The following AZIN2 variants were observed in gnomAD, a reference collection of about 807,000 sequenced individuals.
AZIN2 encodes the protein antizyme inhibitor 2, also known as ODC antizyme inhibitor-2.
AZIN2 carries 28 observed loss-of-function variants against 47.8 expected under a neutral mutation model. The ratio of observed to expected loss-of-function variants is 0.59; its 90% CI spans 0.43 to 0.80. The LOEUF (loss-of-function observed/expected upper bound fraction) is 0.80, where lower values mean the gene tolerates loss of function less well. Ranked by LOEUF, AZIN2 falls within the 30% of genes least tolerant of loss-of-function variation. AZIN2 has a pLI of 0.00. For missense variants in AZIN2, 535 were observed against 582.5 expected (o/e 0.92, Z 0.84); for synonymous variants, 221 against 239.4 (o/e 0.92, Z 0.71).
At chr1:33,098,839 C>T (rs1033433658) in intron 10 of AZIN2, among the ~76,000 whole-genome samples, 31 of 151,634 alleles carry the variant, frequency 2.0e-4, no homozygotes, top group African/African-American at 6.1e-4. Flanking sequence ...TCTCGGCTCA[C>T]TGCAACCTCC....
Position 33,121,325 on chromosome 1 carries a change from A to G in AZIN2, c.*1143A>G, listed in dbSNP as rs913437236. Among the ~76,000 whole-genome samples, 7 of 152,228 alleles carry G rather than the reference A, an allele frequency of 4.6e-5. No homozygotes were observed. The highest frequency in any genetic ancestry group is 1.0e-4 in the Non-Finnish European group (7 of 68,036). On this transcript the variant is annotated 3_prime_UTR_variant, in exon 12 of 12. Transcript: ENST00000294517. Reference sequence around the variant, plus strand: ...ACACCTGTAATCCCAGCACTTTGGGAGGCTGAGGCAGGTGATCACCTGAGG... The same window carrying G: ...ACACCTGTAATCCCAGCACTTTGGGGGGCTGAGGCAGGTGATCACCTGAGG...
chr1:33,087,182 G>A (rs1642006491), intron 5 of AZIN2, among the ~76,000 whole-genome samples: 1 of 150,870 alleles, frequency 6.6e-6, no homozygotes, highest in South Asian at 2.1e-4. Context: ...TGCCCAGGCT[G>A]GAGTGCAGTG....
intron 10 of AZIN2, among the ~76,000 whole-genome samples, chr1:33,098,770 C>CTT (rs936047373): frequency 2.0e-5 from 3 of 147,006 alleles, no homozygotes; most frequent in African/African-American, 7.4e-5. Flanking sequence ...CTCTCTCTCT[C>CTT]TTTTTTTTTT....
intron 10 of AZIN2, among the ~76,000 whole-genome samples, chr1:33,116,684 A>G (rs550300170): frequency 6.6e-6 from 1 of 152,338 alleles, no homozygotes; most frequent in South Asian, 2.1e-4. Flanking sequence ...TATTTCACAA[A>G]TATTTATGAA....
chr1:33,166,193 A>G, the AZIN2 span: 4 of 152,390 alleles, frequency 2.6e-5, no homozygotes, highest in Non-Finnish European at 4.4e-5. Flanking sequence ...AGCTGCGGAA[A>G]AACAAGCTCA....
chr1:33,114,800 G>A (rs1307406216), intron 10 of AZIN2, among the ~76,000 whole-genome samples: 2 of 151,568 alleles, frequency 1.3e-5, no homozygotes, highest in East Asian at 2.0e-4. Context: ...GGGATTACAC[G>A]CCCAGCTAAT....
the AZIN2 span, chr1:33,147,557 C>G: frequency 6.2e-7 from 1 of 1,613,966 alleles, no homozygotes; most frequent in Non-Finnish European, 8.5e-7. The surrounding 1 kb of genome is among the most constrained non-coding windows in gnomAD (Gnocchi z 8.1). Flanking sequence ...CAGTAGTGGA[C>G]GCCACTACTG....
At chr1:33,094,150 T>C (rs1009688173) in intron 7 of AZIN2, among the ~76,000 whole-genome samples, 12 of 152,260 alleles carry the variant, frequency 7.9e-5, no homozygotes, top group African/African-American at 2.2e-4. Context: ...GGTGCTGTGC[T>C]AAGTGCTTCA....
At chr1:33,097,611 C>T (rs564366552) in intron 9 of AZIN2, among the ~76,000 whole-genome samples, 2 of 152,244 alleles carry the variant, frequency 1.3e-5, no homozygotes, top group South Asian at 4.1e-4. Flanking sequence ...GTGGTGGGCT[C>T]CAGGTAGAAT....
rs80005381 is a variant in AZIN2 at position 33,119,311 on chromosome 1, G to A, written c.1245-733G>A. ...CAGAGGGAAATGGCTGGCAGCTCAA[G>A]GGCAGGGATTTGTTTTTTGGAAAGA... On this transcript the variant is annotated intron_variant, in intron 11 of 11. Coordinates refer to ENST00000294517, the MANE Select transcript of AZIN2 (RefSeq NM_052998.4). 4.3e-3 allele frequency: 664 copies of A among 154,212 alleles called. 1 individual carries two copies. The highest frequency in any genetic ancestry group is 0.015 in the African/African-American group (635 of 41,574). The allele number at this position is 154,212 out of a possible 1,614,324, so 9.6% of individuals were successfully genotyped here.
intron 10 of AZIN2, among the ~76,000 whole-genome samples, chr1:33,099,627 C>T (rs945857750): frequency 4.6e-5 from 7 of 152,224 alleles, no homozygotes; most frequent in African/African-American, 9.6e-5. Flanking sequence ...CCCACTGCCA[C>T]GCCCCCCACC....
At chr1:33,124,074 G>A (rs1644839567), downstream of AZIN2, among the ~76,000 whole-genome samples, 1 of 152,280 alleles carries the variant, frequency 6.6e-6, no homozygotes, top group African/African-American at 2.4e-5. The surrounding 1 kb of genome is among the most constrained non-coding windows in gnomAD (Gnocchi z 4.6). Context: ...GCTGAGACAG[G>A]AGAATCACTT....
chr1:33,103,837 C>T (rs529878004), intron 10 of AZIN2, among the ~76,000 whole-genome samples: 5 of 151,882 alleles, frequency 3.3e-5, no homozygotes, highest in East Asian at 1.9e-4. Flanking sequence ...TTCCCTAGTA[C>T]GGAACTTGGC....
the AZIN2 span, among the ~76,000 whole-genome samples, chr1:33,130,401 C>G: frequency 2.0e-5 from 3 of 152,200 alleles, no homozygotes; most frequent in African/African-American, 7.2e-5. Context: ...GGCACCTTCT[C>G]TTGCTCTCTT....
chr1:33,100,938 T>G (rs1289003915), intron 10 of AZIN2, among the ~76,000 whole-genome samples: 1 of 151,608 alleles, frequency 6.6e-6, no homozygotes, highest in Non-Finnish European at 1.5e-5. Flanking sequence ...CTCGGCTCAC[T>G]GCAACCTCTG....
At chr1:33,148,990 A>AG in the AZIN2 span, among the ~76,000 whole-genome samples, 1 of 152,082 alleles carries the variant, frequency 6.6e-6, no homozygotes, top group Non-Finnish European at 1.5e-5. Flanking sequence ...TACCCCACTT[A>AG]GGTCCAAAGC....
chr1:33,161,133 G>A, the AZIN2 span, among the ~76,000 whole-genome samples: 27 of 152,342 alleles, frequency 1.8e-4, no homozygotes, highest in Admixed American at 1.6e-3. This position sits in a 1 kb window ranked among gnomAD's most constrained non-coding sequence, Gnocchi z 4.3. Flanking sequence ...GATGAAATGA[G>A]GGGGTGTTGT....
Position 33,084,007 on chromosome 1 carries a change from C to T in AZIN2, c.159C>T (p.His53=). Residue 53 remains histidine, a synonymous_variant, in exon 5 of 12, where the codon CAC becomes CAT. Coordinates refer to ENST00000294517, the MANE Select transcript of AZIN2 (RefSeq NM_052998.4). The part of the protein sequence containing the change: ...VADLGAIVRK[H]FCFLKCLPRV... ...ACCTGGGTGCCATAGTGAGGAAGCA[C>T]TTTTGCTTTCTGAAGTGCCTGCCAC... 2 of 1,614,178 alleles carry T rather than the reference C, an allele frequency of 1.2e-6. No individual in the cohort carries two copies. Among genetic ancestry groups the T allele is most frequent in the Non-Finnish European group, 1.7e-6 (2 of 1,180,052 alleles).
chr1:33,100,283 T>C (rs1643569852), intron 10 of AZIN2, among the ~76,000 whole-genome samples: 1 of 148,988 alleles, frequency 6.7e-6, no homozygotes. Flanking sequence ...ACTGTGCCAT[T>C]GCACTCCAGC....
Sources: gnomAD v4.1 joint callset for allele counts (sites outside exome capture counted in the v4.1 genomes callset) on GRCh38, gnomAD v4.1.1 for gene constraint, Gnocchi (gnomAD v3.1) non-coding constraint, MANE v1.5 for transcripts, NCBI Gene and HGNC (gene_info 2026-07-23, HGNC 2026-07-21) for gene names.